Variants in KCNQ1OT1 observed in about 807,000 individuals in gnomAD.
KCNQ1OT1 encodes the protein KCNQ1 opposite strand/antisense transcript 1.
rs909789896 is a variant in KCNQ1OT1, at chr11:2,618,960, A to C, written n.81035T>G. ...TATCATAAATGGGATTGTTTTCTTG[A>C]TTTCTTTTTTGGCCAGGTCATTATT... On this transcript the variant is annotated non_coding_transcript_exon_variant, in exon 1 of 1. Transcript: ENST00000597346. The C allele has an allele frequency of 1.5e-5, 6 of 397,816 alleles. No individual in the cohort carries two copies. The South Asian group carries it at 5.1e-4, about 34-fold the overall frequency. The allele number at this position is 397,816 out of a possible 1,614,324, so 24.6% of individuals were successfully genotyped here. A position where few individuals can be genotyped will look rare whatever the true frequency, so the allele number is the denominator to read the frequency against.
rs1454428973 is a variant in KCNQ1OT1, at chr11:2,667,196, G to A, written n.32799C>T. On this transcript the variant is annotated non_coding_transcript_exon_variant, in exon 1 of 1. Transcript: ENST00000597346. ...GCCTGCCATCAGCCCAGCTGTGGCG[G>A]CCCCCCGTGGCCCCCTAACCTTTCC... The A allele has an allele frequency of 1.5e-5, 6 of 398,576 alleles. No homozygotes were observed. The East Asian group carries it at 2.1e-4, about 14-fold the overall frequency. 24.7% of individuals were successfully genotyped at this position (398,576 alleles called of 1,614,324 possible). A position where few individuals can be genotyped will look rare whatever the true frequency, so the allele number is the denominator to read the frequency against.
At chr11:2,675,982 T>A in exon 1 of KCNQ1OT1, 1 of 398,628 alleles carries the variant, frequency 2.5e-6, no homozygotes. Flanking sequence ...AATAACACTC[T>A]CCCCACCCAA....
exon 1 of KCNQ1OT1, chr11:2,672,675 G>A: frequency 2.5e-6 from 1 of 398,778 alleles, no homozygotes; most frequent in Non-Finnish European, 4.4e-6. Flanking sequence ...ACCTTGCCCA[G>A]TGGACACAGC....
In KCNQ1OT1 at chr11:2,667,206, G is replaced by A. The variant is rs556362152; in HGVS notation, n.32789C>T. The stretch of plus-strand genomic sequence containing the variant: ...AGCCCAGCTGTGGCGGCCCCCCGTG[G>A]CCCCCTAACCTTTCCAAACTTCACT... On this transcript the variant is annotated non_coding_transcript_exon_variant, in exon 1 of 1. Coordinates refer to ENST00000597346, the Ensembl canonical transcript of KCNQ1OT1. 2.5e-5 allele frequency: 10 copies of A among 398,706 alleles called. No homozygotes were observed. The South Asian group carries it at 5.1e-4, about 20-fold the overall frequency. The allele number at this position is 398,706 out of a possible 1,614,324, so 24.7% of individuals were successfully genotyped here. A position where few individuals can be genotyped will look rare whatever the true frequency, so the allele number is the denominator to read the frequency against.
At chr11:2,625,694 C>T (rs1283593868) in exon 1 of KCNQ1OT1, 3 of 397,358 alleles carry the variant, frequency 7.5e-6, no homozygotes, top group Non-Finnish European at 4.4e-6. Context: ...TCCTGCCTCC[C>T]GAGTAGCTGG....
chr11:2,612,410 A>G lies in KCNQ1OT1; in HGVS notation n.87585T>C, dbSNP rs947264399. ...GGGGACCACTATATTATGGTATCCAATGGGTATCTCTTCATTTTTCTTCAT... is the reference window on the plus strand; with the variant it reads ...GGGGACCACTATATTATGGTATCCAGTGGGTATCTCTTCATTTTTCTTCAT... On this transcript the variant is annotated non_coding_transcript_exon_variant, in exon 1 of 1. Transcript: ENST00000597346. The surrounding 1 kb of genome is among the most constrained non-coding windows in gnomAD (Gnocchi z 5.5). The G allele has an allele frequency of 5.0e-6, 2 of 398,474 alleles. No individual in the cohort carries two copies. Among genetic ancestry groups the G allele is most frequent in the East Asian group, 3.6e-5 (1 of 28,088 alleles). 24.7% of individuals were successfully genotyped at this position (398,474 alleles called of 1,614,324 possible). A position where few individuals can be genotyped will look rare whatever the true frequency, so the allele number is the denominator to read the frequency against.
rs2133807280 is a variant in KCNQ1OT1, at chr11:2,623,648, A to G, written n.76347T>C. 1 of 398,524 alleles carries G rather than the reference A, an allele frequency of 2.5e-6. No individual in the cohort carries two copies. Among genetic ancestry groups the G allele is most frequent in the South Asian group, 1.3e-4 (1 of 7,850 alleles). The allele number at this position is 398,524 out of a possible 1,614,324, so 24.7% of individuals were successfully genotyped here. ...TAATATTTCATTGCCTGGATGTACT[A>G]CAGTTTATCTGTCTACTCACCTATG... On this transcript the variant is annotated non_coding_transcript_exon_variant, in exon 1 of 1. Coordinates refer to ENST00000597346, the Ensembl canonical transcript of KCNQ1OT1. This position sits in a 1 kb window ranked among gnomAD's most constrained non-coding sequence, Gnocchi z 5.2.
exon 1 of KCNQ1OT1, chr11:2,667,472 G>C: frequency 2.5e-6 from 1 of 398,270 alleles, no homozygotes. Context: ...TGGTGTTGGA[G>C]GATGTGACAG....
chr11:2,670,869 C>T lies in KCNQ1OT1; in HGVS notation n.29126G>A. The T allele has an allele frequency of 1.5e-5, 6 of 398,622 alleles. No individual in the cohort carries two copies. Among genetic ancestry groups the T allele is most frequent in the Admixed American group, 4.4e-5 (1 of 22,732 alleles). 24.7% of individuals were successfully genotyped at this position (398,622 alleles called of 1,614,324 possible). A position where few individuals can be genotyped will look rare whatever the true frequency, so the allele number is the denominator to read the frequency against. On this transcript the variant is annotated non_coding_transcript_exon_variant, in exon 1 of 1. Coordinates refer to ENST00000597346, the Ensembl canonical transcript of KCNQ1OT1. This position sits in a 1 kb window ranked among gnomAD's most constrained non-coding sequence, Gnocchi z 4.9. ...TCAAAGGTCCTCACTGGCCAGTGGG[C>T]CACTGGGAAGCCTCCTGGATTGCCT... is the stretch of plus-strand genomic sequence containing the variant.
chr11:2,612,629 G>A lies in KCNQ1OT1; in HGVS notation n.87366C>T. 1 of 398,502 alleles carries A rather than the reference G, an allele frequency of 2.5e-6. No individual in the cohort carries two copies. 24.7% of individuals were successfully genotyped at this position (398,502 alleles called of 1,614,324 possible). A position where few individuals can be genotyped will look rare whatever the true frequency, so the allele number is the denominator to read the frequency against. On this transcript the variant is annotated non_coding_transcript_exon_variant, in exon 1 of 1. Coordinates refer to ENST00000597346, the Ensembl canonical transcript of KCNQ1OT1. This position sits in a 1 kb window ranked among gnomAD's most constrained non-coding sequence, Gnocchi z 5.5. Reference sequence around the variant, plus strand: ...TCTATATTGATATTATCTATTTGATGAGTCTTTGTCATCACACTTGCATTC... The same window carrying A: ...TCTATATTGATATTATCTATTTGATAAGTCTTTGTCATCACACTTGCATTC...
chr11:2,660,305 T>A, exon 1 of KCNQ1OT1: 1 of 398,454 alleles, frequency 2.5e-6, no homozygotes, highest in Non-Finnish European at 4.4e-6. Context: ...CACATACATA[T>A]GTATACATAC....
In KCNQ1OT1 at chr11:2,682,103, G is replaced by A. The variant is rs959470462; in HGVS notation, n.17892C>T. On this transcript the variant is annotated non_coding_transcript_exon_variant, in exon 1 of 1. Coordinates refer to ENST00000597346, the Ensembl canonical transcript of KCNQ1OT1. This position sits in a 1 kb window ranked among gnomAD's most constrained non-coding sequence, Gnocchi z 5.8. Reference sequence around the variant, plus strand: ...TAGGGCCCAGGGTCACAAAGCTAGGGAGCCGTGGATCTGCAGGAGATGTCC... The same window carrying A: ...TAGGGCCCAGGGTCACAAAGCTAGGAAGCCGTGGATCTGCAGGAGATGTCC... 4 of 398,448 alleles carry A rather than the reference G, an allele frequency of 1.0e-5. No individual in the cohort carries two copies. The highest frequency in any genetic ancestry group is 1.8e-5 in the Non-Finnish European group (4 of 226,080). The allele number at this position is 398,448 out of a possible 1,614,324, so 24.7% of individuals were successfully genotyped here. A position where few individuals can be genotyped will look rare whatever the true frequency, so the allele number is the denominator to read the frequency against.
rs1031707347 is a variant in KCNQ1OT1 at position 2,671,909 on chromosome 11, C to T, written n.28086G>A. ...AGCACCAGGCAGCCAGCCTGTGGGC[C>T]CCGCTATGCTTCCTCAGGCAGCTAG... On this transcript the variant is annotated non_coding_transcript_exon_variant, in exon 1 of 1. Coordinates refer to ENST00000597346, the Ensembl canonical transcript of KCNQ1OT1. This position sits in a 1 kb window ranked among gnomAD's most constrained non-coding sequence, Gnocchi z 4.7. 5 of 398,560 alleles carry T rather than the reference C, an allele frequency of 1.3e-5. No homozygotes were observed. Among genetic ancestry groups the T allele is most frequent in the African/African-American group, 6.2e-5 (3 of 48,608 alleles). The allele number at this position is 398,560 out of a possible 1,614,324, so 24.7% of individuals were successfully genotyped here. A position where few individuals can be genotyped will look rare whatever the true frequency, so the allele number is the denominator to read the frequency against.
At position 2,645,680 on chromosome 11, in the gene KCNQ1OT1, G is replaced by A; in HGVS notation, n.54315C>T. Reference sequence around the variant, plus strand: ...TAGCAGAGTATTGCCAATGGCTCATGCTTTGGCCTGGAGGGAGCAGTCAGG... The same window carrying A: ...TAGCAGAGTATTGCCAATGGCTCATACTTTGGCCTGGAGGGAGCAGTCAGG... On this transcript the variant is annotated non_coding_transcript_exon_variant, in exon 1 of 1. Transcript: ENST00000597346. This position sits in a 1 kb window ranked among gnomAD's most constrained non-coding sequence, Gnocchi z 5.8. The A allele has an allele frequency of 2.5e-6, 1 of 398,764 alleles. No individual in the cohort carries two copies. Among genetic ancestry groups the A allele is most frequent in the Admixed American group, 4.4e-5 (1 of 22,740 alleles). 24.7% of individuals were successfully genotyped at this position (398,764 alleles called of 1,614,324 possible).
chr11:2,668,669 A>G lies in KCNQ1OT1; in HGVS notation n.31326T>C, dbSNP rs370431809. The G allele has an allele frequency of 8.3e-5, 33 of 398,524 alleles. No homozygotes were observed. Among genetic ancestry groups the G allele is most frequent in the African/African-American group, 5.7e-4 (28 of 48,716 alleles). The allele number at this position is 398,524 out of a possible 1,614,324, so 24.7% of individuals were successfully genotyped here. A position where few individuals can be genotyped will look rare whatever the true frequency, so the allele number is the denominator to read the frequency against. On this transcript the variant is annotated non_coding_transcript_exon_variant, in exon 1 of 1. Transcript: ENST00000597346. This position sits in a 1 kb window ranked among gnomAD's most constrained non-coding sequence, Gnocchi z 4.3. Reference sequence around the variant, plus strand: ...ATATATCTTTAGATATTCTGGAGTCATTTGTCAGAGAGAGAGATACACACA... The same window carrying G: ...ATATATCTTTAGATATTCTGGAGTCGTTTGTCAGAGAGAGAGATACACACA...
At chr11:2,639,332 T>C (rs944773467) in exon 1 of KCNQ1OT1, 1 of 152,176 alleles carries the variant, frequency 6.6e-6, no homozygotes, top group Non-Finnish European at 1.5e-5. Flanking sequence ...TTTTTCCCCA[T>C]CTTTGTGGTT....
Position 2,690,949 on chromosome 11 carries a change from G to A in KCNQ1OT1, n.9046C>T, listed in dbSNP as rs1038554367. ...TTAAGCCAACCTGAAAGGTTCATTT[G>A]GGAGTCACGGGTATGTGTCAACAAA... On this transcript the variant is annotated non_coding_transcript_exon_variant, in exon 1 of 1. Coordinates refer to ENST00000597346, the Ensembl canonical transcript of KCNQ1OT1. The surrounding 1 kb of genome is among the most constrained non-coding windows in gnomAD (Gnocchi z 5.1). 1.3e-5 allele frequency: 5 copies of A among 398,494 alleles called. No individual in the cohort carries two copies. The highest frequency in any genetic ancestry group is 2.2e-5 in the Non-Finnish European group (5 of 226,074). The allele number at this position is 398,494 out of a possible 1,614,324, so 24.7% of individuals were successfully genotyped here.
In KCNQ1OT1 at chr11:2,623,350, T is replaced by C. The variant is rs961685894; in HGVS notation, n.76645A>G. ...TATGCATGTATCTACCATTATAGTATCATACAGATACGTATATTTACATAT... is the reference window on the plus strand; with the variant it reads ...TATGCATGTATCTACCATTATAGTACCATACAGATACGTATATTTACATAT... On this transcript the variant is annotated non_coding_transcript_exon_variant, in exon 1 of 1. Transcript: ENST00000597346. This position sits in a 1 kb window ranked among gnomAD's most constrained non-coding sequence, Gnocchi z 5.2. 19 of 398,552 alleles carry C rather than the reference T, an allele frequency of 4.8e-5. No individual in the cohort carries two copies. Among genetic ancestry groups the C allele is most frequent in the Middle Eastern group, 6.1e-4 (1 of 1,642 alleles). 24.7% of individuals were successfully genotyped at this position (398,552 alleles called of 1,614,324 possible).
At chr11:2,684,202 C>A (rs901179872) in exon 1 of KCNQ1OT1, 25 of 398,508 alleles carry the variant, frequency 6.3e-5, no homozygotes, top group African/African-American at 5.1e-4. Context: ...CAGACTCTGC[C>A]AGGAGACAGG....
Sources: allele counts gnomAD v4.1 joint callset, GRCh38; gene constraint gnomAD v4.1.1; non-coding constraint Gnocchi (gnomAD v3.1); transcripts MANE v1.5; gene names NCBI Gene and HGNC (gene_info 2026-07-23, HGNC 2026-07-21).